ZFPM2: variants seen among roughly 807,000 people sequenced by gnomAD.
ZFPM2 encodes zinc finger protein, FOG family member 2.
A neutral mutation model predicts 98.6 loss-of-function variants in ZFPM2; 20 were observed. The ratio of observed to expected loss-of-function variants is 0.20; its 90% confidence interval spans 0.14 to 0.29. ZFPM2 has a LOEUF of 0.29. ZFPM2 is among the 10% of genes least tolerant of loss of function. The pLI, the probability that ZFPM2 is intolerant of heterozygous loss-of-function variation, is 1.00. For synonymous variants in ZFPM2, 518 were observed against 502.7 expected, an observed-to-expected ratio of 1.03 and a Z score of -0.41; for missense variants, 1,310 against 1,388.6, an observed-to-expected ratio of 0.94 and a Z score of 0.90.
intron 5 of ZFPM2, among the ~76,000 whole-genome samples, chr8:105,680,383 T>C (rs1810574774): frequency 6.6e-6 from 1 of 152,190 alleles, no homozygotes; most frequent in South Asian, 2.1e-4. Context: ...TCTGTCTTGC[T>C]ATTTGAACTG....
At chr8:105,444,061 TACTTA>T (rs1416383712) in intron 2 of ZFPM2, among the ~76,000 whole-genome samples, 2 of 152,230 alleles carry the variant, frequency 1.3e-5, no homozygotes, top group Non-Finnish European at 2.9e-5. Flanking sequence ...ATGTTTATAG[TACTTA>T]ACTTCATTCA....
At chr8:105,445,849 C>T (rs762281382) in intron 3 of ZFPM2, among the ~76,000 whole-genome samples, 1 of 152,026 alleles carries the variant, frequency 6.6e-6, no homozygotes, top group African/African-American at 2.4e-5. Context: ...AAATGATCTG[C>T]CCGACTCATC....
chr8:105,589,706 G>T (rs1241798445), intron 4 of ZFPM2, among the ~76,000 whole-genome samples: 1 of 151,602 alleles, frequency 6.6e-6, no homozygotes, highest in African/African-American at 2.4e-5. Flanking sequence ...TTCATTTTTG[G>T]CACTTTCTCT....
intron 1 of ZFPM2, among the ~76,000 whole-genome samples, chr8:105,329,208 T>C (rs1812168554): frequency 6.6e-6 from 1 of 151,850 alleles, no homozygotes; most frequent in Non-Finnish European, 1.5e-5. Flanking sequence ...GATCAGATGA[T>C]TTGGCTTTTG....
intron 5 of ZFPM2, among the ~76,000 whole-genome samples, chr8:105,746,547 TA>T (rs1393085404): frequency 6.6e-6 from 1 of 152,058 alleles, no homozygotes; most frequent in Non-Finnish European, 1.5e-5. Context: ...TAAGAAAAGC[TA>T]TAAATATACG....
intron 3 of ZFPM2, among the ~76,000 whole-genome samples, chr8:105,534,119 CT>C (rs1386852176): frequency 7.7e-4 from 20 of 26,110 alleles, no homozygotes; most frequent in South Asian, 1.9e-3. Context: ...TCCTTCCTCC[CT>C]TCCTTCCTCC....
At chr8:105,599,022 G>A (rs549867800) in intron 4 of ZFPM2, among the ~76,000 whole-genome samples, 2 of 152,194 alleles carry the variant, frequency 1.3e-5, no homozygotes, top group African/African-American at 4.8e-5. Context: ...AGCTAGCATG[G>A]CTATGGAACA....
At chr8:105,433,406 G>A (rs1482520774) in intron 2 of ZFPM2, among the ~76,000 whole-genome samples, 2 of 152,142 alleles carry the variant, frequency 1.3e-5, no homozygotes, top group Middle Eastern at 3.2e-3. Context: ...TTTACATGAT[G>A]TTGGTAAACA....
chr8:105,330,534 CTCTCTA>C (rs1812191214), intron 1 of ZFPM2, among the ~76,000 whole-genome samples: 6 of 91,862 alleles, frequency 6.5e-5, no homozygotes, highest in Admixed American at 5.9e-4. Flanking sequence ...CTCTCTCTCT[CTCTCTA>C]TATATATATA....
intron 4 of ZFPM2, among the ~76,000 whole-genome samples, chr8:105,591,998 C>T (rs1048672702): frequency 4.6e-5 from 7 of 152,140 alleles, no homozygotes; most frequent in Admixed American, 4.6e-4. Flanking sequence ...TCTCAAAACA[C>T]AAGCAGCTTA....
chr8:105,591,434 G>T (rs1815840739), intron 4 of ZFPM2, among the ~76,000 whole-genome samples: 3 of 152,048 alleles, frequency 2.0e-5, no homozygotes, highest in Non-Finnish European at 4.4e-5. Context: ...TTATAACAGT[G>T]GAACTTATAT....
intron 5 of ZFPM2, among the ~76,000 whole-genome samples, chr8:105,772,284 G>A (rs1380260201): frequency 6.6e-6 from 1 of 152,114 alleles, no homozygotes; most frequent in Non-Finnish European, 1.5e-5. Flanking sequence ...AAAGCACTCA[G>A]TCCGTGACAA....
chr8:105,663,635 G>A (rs1817434008), intron 5 of ZFPM2, among the ~76,000 whole-genome samples: 1 of 152,122 alleles, frequency 6.6e-6, no homozygotes, highest in Non-Finnish European at 1.5e-5. Flanking sequence ...AAGGACATTT[G>A]CTTTTACCAT....
chr8:105,491,448 T>A (rs1813353686), intron 3 of ZFPM2, among the ~76,000 whole-genome samples: 1 of 152,182 alleles, frequency 6.6e-6, no homozygotes, highest in African/African-American at 2.4e-5. Context: ...AAACCATGGA[T>A]AAAGACATGT....
intron 5 of ZFPM2, among the ~76,000 whole-genome samples, chr8:105,786,576 G>A (rs7822065): frequency 2.1e-5 from 3 of 146,100 alleles, no homozygotes; most frequent in Non-Finnish European, 4.6e-5. Flanking sequence ...ATGAGATAAA[G>A]TGATAAAGAT....
chr8:105,500,939 T>G, intron 3 of ZFPM2, among the ~76,000 whole-genome samples: 1 of 152,242 alleles, frequency 6.6e-6, no homozygotes, highest in Non-Finnish European at 1.5e-5. Flanking sequence ...TAGTCAAAAT[T>G]AGTTAAGCAT....
chr8:105,780,403 C>A (rs1285957568), intron 5 of ZFPM2: 7 of 152,146 alleles, frequency 4.6e-5, no homozygotes, highest in Non-Finnish European at 1.0e-4. Flanking sequence ...TAAAATAAAT[C>A]ACTTCAAAAT....
At chr8:105,549,344 G>A (rs749535509) in intron 3 of ZFPM2, among the ~76,000 whole-genome samples, 24 of 152,102 alleles carry the variant, frequency 1.6e-4, no homozygotes, top group Non-Finnish European at 2.9e-4. Context: ...TTAAAGCGAG[G>A]GCATGAGATT....
chr8:105,354,038 A>T (rs1351215142), intron 1 of ZFPM2, among the ~76,000 whole-genome samples: 2 of 152,068 alleles, frequency 1.3e-5, no homozygotes, highest in Non-Finnish European at 2.9e-5. Context: ...GCAAGCAAAT[A>T]AAAAAAAGTA....
Sources: gnomAD v4.1 joint callset for allele counts (sites outside exome capture counted in the v4.1 genomes callset) on GRCh38, gnomAD v4.1.1 for gene constraint, MANE v1.5 for transcripts, NCBI Gene and HGNC (gene_info 2026-07-23, HGNC 2026-07-21) for gene names.